Variants in PROSER3 observed in about 807,000 individuals in gnomAD.
PROSER3 encodes the protein proline and serine-rich protein 3.
PROSER3 carries 33 observed loss-of-function variants against 50.2 expected under a neutral mutation model. That is an observed-to-expected ratio of 0.66 (90% confidence interval 0.50 to 0.88). The LOEUF is 0.88. PROSER3 is among the 40% of genes least tolerant of loss of function. The pLI is 0.00. For synonymous variants in PROSER3, 266 were observed against 259.3 expected (o/e 1.03, Z -0.25); for missense variants, 623 against 612.7 (o/e 1.02, Z -0.18).
At chr19:35,759,224 T>C in intron 1 of PROSER3, 150 bp from the exon 2 acceptor site, 2 of 670,362 alleles carry the variant, frequency 3.0e-6, no homozygotes, top group Non-Finnish European at 5.1e-6. Context: ...ACTGTCGATA[T>C]CCTGAATGTG....
At chr19:35,768,258 G>C in intron 10 of PROSER3, 22 bp downstream of exon 10, 1 of 1,606,372 alleles carries the variant, frequency 6.2e-7, no homozygotes, top group Non-Finnish European at 8.5e-7. Context: ...TCCATCCCCA[G>C]AGTCTATGAC....
chr19:35,762,217 C>T (rs1970976124), intron 4 of PROSER3, 36 bp from the exon 5 acceptor site: 1 of 1,599,552 alleles, frequency 6.3e-7, no homozygotes, highest in Admixed American at 1.7e-5. Context: ...AGCAGCCACT[C>T]CTCCTGGCCC....
chr19:35,762,377 CT>C, intron 5 of PROSER3, 21 bp downstream of exon 5: 1 of 1,565,724 alleles, frequency 6.4e-7, no homozygotes, highest in East Asian at 2.3e-5. Flanking sequence ...CATTCACTCC[CT>C]CCCTTGGGTG....
intron 7 of PROSER3, 86 bp from the exon 8 acceptor site, chr19:35,766,682 G>A: frequency 1.1e-6 from 1 of 933,844 alleles, no homozygotes; most frequent in Non-Finnish European, 1.6e-6. Flanking sequence ...CCCCTGCACA[G>A]TTGGAGGGCG....
At chr19:35,766,215 C>A (rs1052546214) in intron 7 of PROSER3, among the ~76,000 whole-genome samples, 3 of 152,042 alleles carry the variant, frequency 2.0e-5, no homozygotes, top group Non-Finnish European at 4.4e-5. Context: ...CTGGTCACTG[C>A]TGTAACTCCA....
chr19:35,758,207 A>G (rs752683575), exon 1 of PROSER3: 1 of 1,561,100 alleles, frequency 6.4e-7, no homozygotes, highest in Non-Finnish European at 8.7e-7. Context: ...GCGCGGAGGG[A>G]GCCGCGGGAT....
exon 7 of PROSER3, chr19:35,765,062 C>T: frequency 6.2e-7 from 1 of 1,613,946 alleles, no homozygotes; most frequent in Non-Finnish European, 8.5e-7. Flanking sequence ...CTCCTCCTCC[C>T]TCAGCCCCAG....
chr19:35,768,869 A>G, exon 11 of PROSER3: 1 of 208,684 alleles, frequency 4.8e-6, no homozygotes, highest in Non-Finnish European at 9.6e-6. Context: ...CCACGGAGGA[A>G]GCTACTAGGG....
exon 6 of PROSER3, chr19:35,764,894 C>T (rs778194260): frequency 8.7e-6 from 14 of 1,613,644 alleles, no homozygotes; most frequent in Middle Eastern, 1.6e-4. Context: ...GACCTGGAGA[C>T]GCTGAGCCTA....
chr19:35,758,283 A>C, intron 1 of PROSER3, 57 bp downstream of exon 1: 2 of 1,546,142 alleles, frequency 1.3e-6, no homozygotes, highest in South Asian at 2.4e-5. Flanking sequence ...CAACGGCGAG[A>C]GCAGCACAGC....
chr19:35,765,326 G>A, intron 7 of PROSER3, 150 bp downstream of exon 7: 2 of 1,040,116 alleles, frequency 1.9e-6, no homozygotes, highest in African/African-American at 1.6e-5. Context: ...AGGCATGGAG[G>A]CCGAGGCGGG....
At chr19:35,759,661 A>C (rs763956553) in intron 2 of PROSER3, 128 bp from the exon 3 acceptor site, 58 of 1,039,320 alleles carry the variant, frequency 5.6e-5, no homozygotes, top group Non-Finnish European at 7.6e-5. Flanking sequence ...CCATCACACT[A>C]GGTTGTTATC....
At chr19:35,770,552 ATGCAGCTTAACTTCTAAAG>A (rs1971298174), downstream of PROSER3, among the ~76,000 whole-genome samples, 1 of 152,194 alleles carries the variant, frequency 6.6e-6, no homozygotes, top group African/African-American at 2.4e-5. Context: ...AGAGGAAGTG[ATGCAGCTTAACTTCTAAAG>A]TGCAGTTAGA....
chr19:35,770,295 C>G (rs1405901352), downstream of PROSER3, among the ~76,000 whole-genome samples: 1 of 151,846 alleles, frequency 6.6e-6, no homozygotes, highest in East Asian at 2.0e-4. Context: ...ACCTCAGCCT[C>G]CCAAAGTGCT....
intron 3 of PROSER3, among the ~76,000 whole-genome samples, chr19:35,760,886 C>T (rs1970935170): frequency 6.6e-6 from 1 of 152,154 alleles, no homozygotes; most frequent in South Asian, 2.1e-4. Flanking sequence ...ACATAGTCAC[C>T]ACTTAGATTT....
intron 3 of PROSER3, among the ~76,000 whole-genome samples, chr19:35,760,879 T>C (rs567019575): frequency 1.3e-5 from 2 of 152,322 alleles, no homozygotes; most frequent in East Asian, 1.9e-4. Flanking sequence ...GCTTCTCACA[T>C]AGTCACCACT....
intron 7 of PROSER3, among the ~76,000 whole-genome samples, chr19:35,765,780 C>G (rs958671339): frequency 6.6e-6 from 1 of 152,072 alleles, no homozygotes; most frequent in Non-Finnish European, 1.5e-5. Flanking sequence ...AGCGATCCCC[C>G]CACCGCCTTC....
chr19:35,763,304 C>CA (rs1474846381), intron 5 of PROSER3, among the ~76,000 whole-genome samples: 1 of 151,570 alleles, frequency 6.6e-6, no homozygotes, highest in Non-Finnish European at 1.5e-5. Context: ...CGGGGTCAAG[C>CA]AATTCTTCTG....
chr19:35,767,798 G>A, intron 8 of PROSER3: 1 of 1,609,458 alleles, frequency 6.2e-7, no homozygotes, highest in South Asian at 1.1e-5. Context: ...CCAGTGTCGG[G>A]CCAAGGCCGA....
Sources: allele counts gnomAD v4.1 joint callset (sites outside exome capture counted in the v4.1 genomes callset), GRCh38; gene constraint gnomAD v4.1.1; transcripts MANE v1.5; gene names NCBI Gene and HGNC (gene_info 2026-07-23, HGNC 2026-07-21).